CARMIL1: variants seen among roughly 807,000 people sequenced by gnomAD.
The protein encoded by CARMIL1 is capping protein regulator and myosin 1 linker 1.
A neutral mutation model predicts 177.1 loss-of-function variants in CARMIL1; 90 were observed. The observed-to-expected ratio is 0.51, with a 90% CI of 0.43 to 0.61. The LOEUF (loss-of-function observed/expected upper bound fraction) is 0.61. CARMIL1 is among the 20% of genes least tolerant of loss of function. The pLI, the probability that CARMIL1 is intolerant of heterozygous loss-of-function variation, is 0.00. For synonymous variants in CARMIL1, 577 were observed against 606.2 expected, an observed-to-expected ratio of 0.95 and a Z score of 0.71; for missense variants, 1,380 against 1,667.0, an observed-to-expected ratio of 0.83 and a Z score of 3.00.
At chr6:25,569,397 C>T (rs1469307958) in intron 29 of CARMIL1, among the ~76,000 whole-genome samples, 1 of 152,134 alleles carries the variant, frequency 6.6e-6, no homozygotes, top group East Asian at 1.9e-4. Flanking sequence ...GGCCTAATTT[C>T]AGTAAAGCTT....
chr6:25,492,716 A>T (rs1009640104), intron 15 of CARMIL1, among the ~76,000 whole-genome samples: 4 of 152,224 alleles, frequency 2.6e-5, no homozygotes, highest in Admixed American at 2.6e-4. Context: ...GGTATTGGTT[A>T]ATATTAGAAA....
At chr6:25,361,522 T>A (rs2150394672) in intron 2 of CARMIL1, among the ~76,000 whole-genome samples, 1 of 152,308 alleles carries the variant, frequency 6.6e-6, no homozygotes, top group East Asian at 1.9e-4. Flanking sequence ...GTTTCAGGAA[T>A]AGTTGCAGGC....
At chr6:25,316,863 T>G (rs953622545) in intron 2 of CARMIL1, among the ~76,000 whole-genome samples, 6 of 152,182 alleles carry the variant, frequency 3.9e-5, no homozygotes, top group African/African-American at 1.4e-4. Flanking sequence ...AAATCCTCAT[T>G]ATGCTGCCAC....
intron 35 of CARMIL1, among the ~76,000 whole-genome samples, chr6:25,608,876 GGAA>G (rs1291192626): frequency 2.0e-5 from 3 of 152,224 alleles, no homozygotes; most frequent in Non-Finnish European, 4.4e-5. Context: ...TAACAGCAAA[GGAA>G]GAAGAATGAT....
intron 2 of CARMIL1, among the ~76,000 whole-genome samples, chr6:25,413,766 G>A (rs1795122769): frequency 6.6e-6 from 1 of 152,132 alleles, no homozygotes; most frequent in African/African-American, 2.4e-5. Context: ...ACCCTTTGTG[G>A]TGAAGGTTCC....
rs1805923664 is a variant in CARMIL1 at position 25,515,725 on chromosome 6, C to T, written c.1683C>T (p.Thr561=). 1 of 1,609,750 alleles carries T rather than the reference C, an allele frequency of 6.2e-7. No homozygotes were observed. Among genetic ancestry groups the T allele is most frequent in the African/African-American group, 1.3e-5 (1 of 74,838 alleles). ...LADSKLKTEV[T]IIINALGSNT... ...ACTCGAAACTCAAGACTGAGGTCAC[C>T]ATCATCATCAATGCCCTGGGAAGCA... Residue 561 remains threonine, a synonymous_variant, in exon 21 of 37, where the codon ACC becomes ACT. Coordinates refer to ENST00000329474, the MANE Select transcript of CARMIL1 (RefSeq NM_017640.6). The surrounding 1 kb of genome is among the most constrained non-coding windows in gnomAD (Gnocchi z 5.0).
intron 29 of CARMIL1, among the ~76,000 whole-genome samples, chr6:25,560,415 A>G (rs1298101721): frequency 6.6e-6 from 1 of 152,126 alleles, no homozygotes; most frequent in Non-Finnish European, 1.5e-5. Context: ...AGAGTCTGAC[A>G]TCTCCTTAAC....
At chr6:25,367,814 A>G (rs1789989503) in intron 2 of CARMIL1, among the ~76,000 whole-genome samples, 1 of 152,154 alleles carries the variant, frequency 6.6e-6, no homozygotes, top group South Asian at 2.1e-4. Context: ...GCTGGAGTGC[A>G]GTGGCATGAT....
intron 4 of CARMIL1, among the ~76,000 whole-genome samples, chr6:25,429,939 G>A (rs772924402): frequency 3.6e-4 from 55 of 151,834 alleles, no homozygotes; most frequent in Non-Finnish European, 6.6e-4. Flanking sequence ...TCTGCCTCCC[G>A]GGTTCAAATG....
chr6:25,336,139 C>G (rs533179414), intron 2 of CARMIL1, among the ~76,000 whole-genome samples: 2 of 152,092 alleles, frequency 1.3e-5, no homozygotes, highest in East Asian at 3.9e-4. Flanking sequence ...CTCCCCCAAC[C>G]CCCAGATTTT....
chr6:25,509,942 G>T lies in CARMIL1; in HGVS notation c.1477+205G>T, dbSNP rs1805304273. 2.6e-5 allele frequency among the ~76,000 whole-genome samples: 4 copies of T among 152,052 alleles called. No individual in the cohort carries two copies. In the South Asian group the frequency reaches 8.3e-4, roughly 32 times the overall value. ...AGAGTCTTACTAAGTTGACTCTGTG[G>T]CCAACTATGCAAAGTCTATGCAGTA... On this transcript the variant is annotated intron_variant, in intron 18 of 36. Transcript: ENST00000329474. This position sits in a 1 kb window ranked among gnomAD's most constrained non-coding sequence, Gnocchi z 4.1.
intron 29 of CARMIL1, among the ~76,000 whole-genome samples, chr6:25,573,819 AT>A (rs1562298923): frequency 6.6e-6 from 1 of 152,020 alleles, no homozygotes; most frequent in Admixed American, 6.6e-5. Context: ...GTTAATATTA[AT>A]TTTTTTAAAA....
At chr6:25,492,337 A>G (rs988261614) in intron 15 of CARMIL1, among the ~76,000 whole-genome samples, 8 of 152,216 alleles carry the variant, frequency 5.3e-5, no homozygotes, top group South Asian at 2.1e-4. Context: ...GGTATTTCTC[A>G]CGGGTGAGCT....
At chr6:25,615,001 G>A (rs964964956) in intron 36 of CARMIL1, among the ~76,000 whole-genome samples, 1 of 152,148 alleles carries the variant, frequency 6.6e-6, no homozygotes, top group African/African-American at 2.4e-5. Context: ...ATAATGACAG[G>A]CATTAAGAAG....
At chr6:25,368,515 T>C (rs192546210) in intron 2 of CARMIL1, among the ~76,000 whole-genome samples, 86 of 152,314 alleles carry the variant, frequency 5.6e-4, no homozygotes, top group Admixed American at 3.0e-3. Flanking sequence ...GATCAATGTT[T>C]TCAAATGAAA....
chr6:25,448,916 C>CTTTT (rs36000360), intron 5 of CARMIL1, among the ~76,000 whole-genome samples: 11 of 126,432 alleles, frequency 8.7e-5, no homozygotes, highest in South Asian at 2.5e-4. Flanking sequence ...AGGGATTCTT[C>CTTTT]TTTTTTTTTT....
intron 2 of CARMIL1, among the ~76,000 whole-genome samples, chr6:25,402,485 AAAG>A (rs1291795024): frequency 1.3e-5 from 2 of 152,206 alleles, no homozygotes; most frequent in South Asian, 2.1e-4. Context: ...GCATAATAAA[AAAG>A]AAGAACATGT....
chr6:25,378,387 CT>C (rs1172083172), intron 2 of CARMIL1, among the ~76,000 whole-genome samples: 1 of 152,232 alleles, frequency 6.6e-6, no homozygotes, highest in Admixed American at 6.5e-5. Context: ...TCTCTTATGG[CT>C]GCAGCACACT....
At chr6:25,366,293 G>A (rs1789791286) in intron 2 of CARMIL1, among the ~76,000 whole-genome samples, 2 of 152,084 alleles carry the variant, frequency 1.3e-5, no homozygotes, top group Admixed American at 1.3e-4. Flanking sequence ...CACCATACAT[G>A]GCCTTTCAGT....
Sources: allele counts gnomAD v4.1 joint callset (sites outside exome capture counted in the v4.1 genomes callset), GRCh38; gene constraint gnomAD v4.1.1; non-coding constraint Gnocchi (gnomAD v3.1); transcripts MANE v1.5; gene names NCBI Gene and HGNC (gene_info 2026-07-23, HGNC 2026-07-21).